The following RAB7A variants were observed in gnomAD, a reference collection of about 807,000 sequenced individuals.
RAB7A encodes RAB7A, member RAS oncogene family, also known as ras-related protein Rab-7a.
Under a neutral mutation model 24.5 loss-of-function variants are expected in RAB7A, and 2 were observed. The ratio of observed to expected loss-of-function variants is 0.08; its 90% confidence interval spans 0.03 to 0.26. The LOEUF (loss-of-function observed/expected upper bound fraction) is 0.26, where lower values mean the gene tolerates loss of function less well. RAB7A is among the 10% of genes least tolerant of loss of function. The probability of loss-of-function intolerance (pLI) is 1.00; values close to 1 mark genes in which losing one functional copy is unlikely to be tolerated. For synonymous variants in RAB7A, 100 were observed against 95.9 expected, an observed-to-expected ratio of 1.04 and a Z score of -0.25; for missense variants, 118 against 255.7, an observed-to-expected ratio of 0.46 and a Z score of 3.67.
intron 3 of RAB7A, among the ~76,000 whole-genome samples, chr3:128,801,708 C>G (rs28407141): frequency 0.025 from 3,788 of 152,162 alleles, 74 homozygotes; most frequent in Non-Finnish European, 0.041. Flanking sequence ...AAGGTTGGAC[C>G]TACTTTTAAT....
At chr3:128,732,059 G>C (rs1242737442) in intron 1 of RAB7A, among the ~76,000 whole-genome samples, 11 of 134,688 alleles carry the variant, frequency 8.2e-5, no homozygotes, top group African/African-American at 2.2e-4. Flanking sequence ...TTCTCTCTCT[G>C]AGACAGAGTC....
At chr3:128,784,682 CTGTT>C (rs1314517120) in intron 1 of RAB7A, among the ~76,000 whole-genome samples, 2 of 152,188 alleles carry the variant, frequency 1.3e-5, no homozygotes, top group Non-Finnish European at 2.9e-5. Context: ...TTAAGGAAAA[CTGTT>C]TGTTCCCTTT....
At chr3:128,793,570 A>G (rs1320278059) in intron 1 of RAB7A, among the ~76,000 whole-genome samples, 2 of 152,170 alleles carry the variant, frequency 1.3e-5, no homozygotes, top group African/African-American at 4.8e-5. Flanking sequence ...ACTTGCCCCC[A>G]TTATCATCAT....
intron 1 of RAB7A, among the ~76,000 whole-genome samples, chr3:128,757,301 G>C (rs974221327): frequency 1.3e-5 from 2 of 152,094 alleles, no homozygotes; most frequent in Non-Finnish European, 2.9e-5. Context: ...ATGGAGAACA[G>C]TAACACAGGG....
chr3:128,793,172 T>C (rs1248451381), intron 1 of RAB7A, among the ~76,000 whole-genome samples: 2 of 151,136 alleles, frequency 1.3e-5, no homozygotes, highest in Admixed American at 1.3e-4. Context: ...TACAGGCACA[T>C]GCCACCACGC....
chr3:128,762,593 G>A (rs2070783769), intron 1 of RAB7A, among the ~76,000 whole-genome samples: 1 of 152,166 alleles, frequency 6.6e-6, no homozygotes, highest in African/African-American at 2.4e-5. Context: ...GTGAGATGGG[G>A]TGAGAGTTAC....
intron 1 of RAB7A, among the ~76,000 whole-genome samples, chr3:128,767,752 C>T (rs2070845311): frequency 6.6e-6 from 1 of 152,170 alleles, no homozygotes; most frequent in Non-Finnish European, 1.5e-5. Context: ...AGCTGGAATC[C>T]AGATTCAGCA....
chr3:128,753,429 T>C (rs1166494532), intron 1 of RAB7A, among the ~76,000 whole-genome samples: 2 of 152,110 alleles, frequency 1.3e-5, no homozygotes, highest in Non-Finnish European at 2.9e-5. Flanking sequence ...ATGATAAAGA[T>C]AGTAAATTTC....
At chr3:128,794,935 CAGAGTAACGGGAT>C (rs1933534376) in intron 1 of RAB7A, among the ~76,000 whole-genome samples, 1 of 151,890 alleles carries the variant, frequency 6.6e-6, no homozygotes, top group Non-Finnish European at 1.5e-5. Flanking sequence ...GAAAAGCAAG[CAGAGTAACGGGAT>C]AGAGAGCAAA....
chr3:128,731,383 G>C (rs2070435164), intron 1 of RAB7A, among the ~76,000 whole-genome samples: 1 of 152,150 alleles, frequency 6.6e-6, no homozygotes, highest in South Asian at 2.1e-4. Context: ...ATAACTGCGG[G>C]TCATTTAAAA....
chr3:128,755,340 T>C (rs970501715), intron 1 of RAB7A, among the ~76,000 whole-genome samples: 3 of 151,990 alleles, frequency 2.0e-5, no homozygotes, highest in Non-Finnish European at 4.4e-5. Flanking sequence ...GCAAAACTTA[T>C]GATATGCCAC....
intron 3 of RAB7A, among the ~76,000 whole-genome samples, chr3:128,803,458 G>C (rs891356357): frequency 1.3e-5 from 2 of 152,128 alleles, no homozygotes; most frequent in Non-Finnish European, 2.9e-5. Flanking sequence ...GATGGTAGGA[G>C]TGTAGTAATG....
At position 128,760,222 on chromosome 3, in the gene RAB7A, G is replaced by A. The variant is rs962172928; in HGVS notation, c.-9+33863G>A. On this transcript the variant is annotated intron_variant, in intron 1 of 5. Transcript: ENST00000265062. Reference sequence around the variant, plus strand: ...GAAAGTCTTCTTTCTCCGCCTGACCGTGCTTGAGATGGGACATAGGTGTTC... The same window carrying A: ...GAAAGTCTTCTTTCTCCGCCTGACCATGCTTGAGATGGGACATAGGTGTTC... Among the ~76,000 whole-genome samples the A allele has an allele frequency of 2.6e-5, 4 of 152,118 alleles. No individual in the cohort carries two copies. In the East Asian group the frequency reaches 5.8e-4, roughly 22 times the overall value.
chr3:128,798,220 C>G, intron 3 of RAB7A, 151 bp downstream of exon 3: 1 of 990,838 alleles, frequency 1.0e-6, no homozygotes. Context: ...ATTTGAATTT[C>G]AGATCAATAG....
intron 1 of RAB7A, among the ~76,000 whole-genome samples, chr3:128,738,027 G>T (rs770334016): frequency 7.3e-5 from 11 of 150,258 alleles, no homozygotes; most frequent in Non-Finnish European, 1.0e-4. Flanking sequence ...ATTTGTTCTT[G>T]TTTTTATTTT....
chr3:128,759,997 A>G (rs766538718), intron 1 of RAB7A, among the ~76,000 whole-genome samples: 1 of 152,178 alleles, frequency 6.6e-6, no homozygotes, highest in Non-Finnish European at 1.5e-5. Flanking sequence ...GGCGTGAACC[A>G]CCATGCCCAG....
intron 1 of RAB7A, among the ~76,000 whole-genome samples, chr3:128,735,078 T>TCTGTGTTCA (rs2070478335): frequency 6.6e-6 from 1 of 152,188 alleles, no homozygotes; most frequent in Admixed American, 6.5e-5. Flanking sequence ...TTTAACAGGT[T>TCTGTGTTCA]TTTCTTCTCT....
intron 1 of RAB7A, among the ~76,000 whole-genome samples, chr3:128,732,132 C>T (rs112707363): frequency 0.1 from 14,957 of 149,688 alleles, 798 homozygotes; most frequent in South Asian, 0.16. Flanking sequence ...CTCCGCCTCT[C>T]GGGTTCAAGC....
intron 1 of RAB7A, among the ~76,000 whole-genome samples, chr3:128,742,977 G>T (rs983099556): frequency 6.6e-6 from 1 of 152,222 alleles, no homozygotes; most frequent in African/African-American, 2.4e-5. Flanking sequence ...CAGAGCAGGG[G>T]GCGGTGCCCG....
Sources: allele counts gnomAD v4.1 joint callset (sites outside exome capture counted in the v4.1 genomes callset), GRCh38; gene constraint gnomAD v4.1.1; transcripts MANE v1.5; gene names NCBI Gene and HGNC (gene_info 2026-07-23, HGNC 2026-07-21).